Variants in GALNT13 observed in about 807,000 individuals in gnomAD.
GALNT13 encodes polypeptide N-acetylgalactosaminyltransferase 13.
A neutral mutation model predicts 64.2 loss-of-function variants in GALNT13; 28 were observed. The observed-to-expected ratio is 0.44, with a 90% CI of 0.32 to 0.60. The LOEUF (loss-of-function observed/expected upper bound fraction) is 0.60, where lower values mean the gene tolerates loss of function less well. GALNT13 is among the 20% of genes least tolerant of loss of function. The probability of loss-of-function intolerance (pLI) is 0.05; values close to 1 mark genes in which losing one functional copy is unlikely to be tolerated. For synonymous variants in GALNT13, 214 were observed against 224.6 expected (o/e 0.95, Z 0.42); for missense variants, 577 against 669.8 (o/e 0.86, Z 1.53).
intron 6 of GALNT13, 123 bp downstream of exon 6, chr2:154,243,028 T>A: frequency 1.4e-6 from 1 of 717,488 alleles, no homozygotes; most frequent in Non-Finnish European, 2.2e-6. Flanking sequence ...TAGCTTTTCT[T>A]AAAAGCACGT....
chr2:153,827,899 G>A, the GALNT13 span, among the ~76,000 whole-genome samples: 1 of 152,140 alleles, frequency 6.6e-6, no homozygotes, highest in South Asian at 2.1e-4. Flanking sequence ...ACAGGCATTG[G>A]GTAAATACAC....
chr2:154,298,718 AATTAT>A (rs1238794946), intron 8 of GALNT13, among the ~76,000 whole-genome samples: 11 of 96,738 alleles, frequency 1.1e-4, no homozygotes, highest in Admixed American at 2.9e-4. Flanking sequence ...TTTATATATA[AATTAT>A]ATTATTTATA....
At chr2:154,027,982 A>G (rs1366866234) in intron 3 of GALNT13, among the ~76,000 whole-genome samples, 2 of 152,126 alleles carry the variant, frequency 1.3e-5, no homozygotes, top group African/African-American at 4.8e-5. Context: ...ATATTGCCTA[A>G]GTAAAACATA....
At chr2:154,391,185 G>C (rs1156812680) in intron 9 of GALNT13, among the ~76,000 whole-genome samples, 2 of 152,124 alleles carry the variant, frequency 1.3e-5, no homozygotes, top group Non-Finnish European at 2.9e-5. Context: ...CATCTATACA[G>C]CTACCCAGTT....
the GALNT13 span, among the ~76,000 whole-genome samples, chr2:153,247,688 A>T: frequency 1.9e-4 from 20 of 102,582 alleles, no homozygotes; most frequent in South Asian, 5.6e-3. Flanking sequence ...TTCAAAAGCC[A>T]GCAGAATACA....
the GALNT13 span, among the ~76,000 whole-genome samples, chr2:153,471,295 T>C: frequency 6.6e-6 from 1 of 152,036 alleles, no homozygotes; most frequent in Non-Finnish European, 1.5e-5. Flanking sequence ...TAGTGCAGAG[T>C]CATGACTATA....
chr2:153,726,340 A>G, the GALNT13 span, among the ~76,000 whole-genome samples: 1 of 152,196 alleles, frequency 6.6e-6, no homozygotes, highest in Non-Finnish European at 1.5e-5. Flanking sequence ...CTTTTTTAAA[A>G]AAAATGCAAG....
At chr2:153,739,564 T>TCTTA in the GALNT13 span, among the ~76,000 whole-genome samples, 1 of 141,352 alleles carries the variant, frequency 7.1e-6, no homozygotes, top group African/African-American at 2.6e-5. Flanking sequence ...TTATTTATTA[T>TCTTA]TTTATTTATT....
intron 3 of GALNT13, among the ~76,000 whole-genome samples, chr2:154,077,458 C>T (rs1269026146): frequency 5.9e-5 from 9 of 151,294 alleles, no homozygotes; most frequent in Non-Finnish European, 7.4e-5. Flanking sequence ...AATAAAGACA[C>T]AAAAAATTAT....
chr2:154,323,545 A>G lies in GALNT13; in HGVS notation c.1156+21956A>G, dbSNP rs1248440421. Among the ~76,000 whole-genome samples, 12 of 152,078 alleles carry G rather than the reference A, an allele frequency of 7.9e-5. 1 individual carries two copies. ...ATTGTTTGGGGTTGATTTATTTTGG[A>G]TTAGCATGAATGGCATTGAGTTATG... is the stretch of plus-strand genomic sequence containing the variant. On this transcript the variant is annotated intron_variant, in intron 9 of 12. Coordinates refer to ENST00000392825, the MANE Select transcript of GALNT13 (RefSeq NM_052917.4).
chr2:153,835,205 C>A, the GALNT13 span, among the ~76,000 whole-genome samples: 3 of 151,846 alleles, frequency 2.0e-5, no homozygotes, highest in Non-Finnish European at 4.4e-5. Flanking sequence ...CTTAAAAGAA[C>A]CTGAACCAAG....
At chr2:153,842,221 A>G in the GALNT13 span, among the ~76,000 whole-genome samples, 1 of 152,272 alleles carries the variant, frequency 6.6e-6, no homozygotes, top group African/African-American at 2.4e-5. Context: ...GTAAACTGAA[A>G]TGAGCCCAAC....
the GALNT13 span, among the ~76,000 whole-genome samples, chr2:153,275,515 C>T: frequency 6.6e-6 from 1 of 152,106 alleles, no homozygotes; most frequent in Non-Finnish European, 1.5e-5. Context: ...GATGCTAGTG[C>T]CTTGATCTTG....
chr2:153,977,704 A>G (rs1223013166), intron 3 of GALNT13, among the ~76,000 whole-genome samples: 2 of 152,192 alleles, frequency 1.3e-5, no homozygotes, highest in Non-Finnish European at 2.9e-5. Context: ...TTTTAGAGAA[A>G]TGCAAAATCT....
At chr2:153,495,335 CAA>C in the GALNT13 span, among the ~76,000 whole-genome samples, 1 of 143,604 alleles carries the variant, frequency 7.0e-6, no homozygotes, top group Admixed American at 6.7e-5. Context: ...ACAACAACAA[CAA>C]AAACAACAAC....
intron 4 of GALNT13, among the ~76,000 whole-genome samples, chr2:154,165,439 A>G (rs949973709): frequency 3.9e-5 from 6 of 152,162 alleles, no homozygotes; most frequent in Non-Finnish European, 8.8e-5. Flanking sequence ...ACATATGTAC[A>G]TGCTTACGCT....
chr2:153,706,851 T>C, the GALNT13 span, among the ~76,000 whole-genome samples: 2 of 152,218 alleles, frequency 1.3e-5, no homozygotes, highest in Admixed American at 1.3e-4. Context: ...ACTTTCTGAA[T>C]TGGTTTCCTT....
chr2:153,097,578 T>C, the GALNT13 span, among the ~76,000 whole-genome samples: 5 of 152,336 alleles, frequency 3.3e-5, no homozygotes, highest in East Asian at 9.7e-4. Context: ...TGGTAACTTA[T>C]TATAAACAAC....
At chr2:154,165,958 G>A (rs1684998809) in intron 4 of GALNT13, among the ~76,000 whole-genome samples, 1 of 152,172 alleles carries the variant, frequency 6.6e-6, no homozygotes, top group African/African-American at 2.4e-5. Context: ...GGCACAAGGT[G>A]TTTATTATTT....
Sources: gnomAD v4.1 joint callset for allele counts (sites outside exome capture counted in the v4.1 genomes callset) on GRCh38, gnomAD v4.1.1 for gene constraint, MANE v1.5 for transcripts, NCBI Gene and HGNC (gene_info 2026-07-23, HGNC 2026-07-21) for gene names.